The following DCDC1 variants were observed in gnomAD, a reference collection of about 807,000 sequenced individuals.
DCDC1 encodes the protein doublecortin domain containing 1, also known as doublecortin domain-containing protein 1.
DCDC1 carries 200 observed loss-of-function variants against 178.3 expected under a neutral mutation model. The ratio of observed to expected loss-of-function variants is 1.12; its 90% CI spans 1.00 to 1.26. DCDC1 has a LOEUF of 1.26. Among genes scored for constraint, DCDC1 ranks in the 50% most tolerant of loss-of-function variants. DCDC1 has a pLI of 0.00. For synonymous variants in DCDC1, 690 were observed against 604.8 expected, an observed-to-expected ratio of 1.14 and a Z score of -2.07; for missense variants, 1,983 against 1,749.2, an observed-to-expected ratio of 1.13 and a Z score of -2.38.
chr11:31,334,182 C>T (rs1950154861), intron 2 of DCDC1, among the ~76,000 whole-genome samples: 2 of 152,214 alleles, frequency 1.3e-5, no homozygotes, highest in Admixed American at 1.3e-4. Context: ...GCTACTGAAG[C>T]TCATGCATGC....
chr11:30,891,429 G>GT (rs1406348778), intron 36 of DCDC1, among the ~76,000 whole-genome samples: 2 of 152,096 alleles, frequency 1.3e-5, no homozygotes, highest in Non-Finnish European at 2.9e-5. Flanking sequence ...GTTATTGTAA[G>GT]TTTTTTCTAC....
At chr11:31,219,664 A>C (rs1974018946) in intron 9 of DCDC1, among the ~76,000 whole-genome samples, 1 of 152,166 alleles carries the variant, frequency 6.6e-6, no homozygotes, top group African/African-American at 2.4e-5. Context: ...AACTAAGGAC[A>C]AGGCACTGTG....
At chr11:31,021,438 A>G (rs1952874647) in intron 20 of DCDC1, among the ~76,000 whole-genome samples, 1 of 152,182 alleles carries the variant, frequency 6.6e-6, no homozygotes, top group Non-Finnish European at 1.5e-5. Flanking sequence ...ATACAGAAAA[A>G]TCTCAAATGT....
intron 15 of DCDC1, among the ~76,000 whole-genome samples, chr11:31,100,195 A>C (rs1958418092): frequency 6.6e-6 from 1 of 152,184 alleles, no homozygotes; most frequent in Admixed American, 6.6e-5. Context: ...AACAAATAAC[A>C]ATCTGGCTTG....
intron 30 of DCDC1, 22 bp downstream of exon 30, chr11:30,906,518 C>T: frequency 1.2e-6 from 2 of 1,601,302 alleles, no homozygotes; most frequent in Non-Finnish European, 1.7e-6. Flanking sequence ...CATGCATTAG[C>T]AGAGCTCAGA....
chr11:31,109,557 T>A (rs1340934057), intron 12 of DCDC1, among the ~76,000 whole-genome samples: 1 of 152,136 alleles, frequency 6.6e-6, no homozygotes, highest in Admixed American at 6.6e-5. Context: ...TTCGATTGGC[T>A]GTAAAAGCCA....
At chr11:31,111,424 A>C (rs1959173609) in intron 11 of DCDC1, among the ~76,000 whole-genome samples, 1 of 152,164 alleles carries the variant, frequency 6.6e-6, no homozygotes, top group African/African-American at 2.4e-5. Flanking sequence ...AAAAAGAAAA[A>C]TAAAAAGAGT....
At chr11:31,139,182 T>C (rs1301039098) in intron 9 of DCDC1, among the ~76,000 whole-genome samples, 2 of 152,140 alleles carry the variant, frequency 1.3e-5, no homozygotes, top group African/African-American at 4.8e-5. Context: ...TGTATATATA[T>C]GTATATGAGC....
chr11:31,051,996 C>T (rs538896373), intron 20 of DCDC1, among the ~76,000 whole-genome samples: 1 of 152,294 alleles, frequency 6.6e-6, no homozygotes, highest in South Asian at 2.1e-4. Context: ...TGGTACATCA[C>T]ATTTCAATAC....
At chr11:31,135,074 C>T (rs747764395) in intron 10 of DCDC1, among the ~76,000 whole-genome samples, 16 of 152,076 alleles carry the variant, frequency 1.1e-4, no homozygotes, top group Non-Finnish European at 1.6e-4. Flanking sequence ...ACGATGCATA[C>T]GTTACTGTTA....
intron 1 of DCDC1, among the ~76,000 whole-genome samples, chr11:31,353,466 A>G (rs1353874088): frequency 6.6e-6 from 1 of 152,220 alleles, no homozygotes; most frequent in African/African-American, 2.4e-5. Flanking sequence ...ATAATAAACC[A>G]CATGGAGACA....
At chr11:30,932,689 A>G (rs1947013452) in intron 21 of DCDC1, among the ~76,000 whole-genome samples, 2 of 152,166 alleles carry the variant, frequency 1.3e-5, no homozygotes, top group African/African-American at 4.8e-5. Context: ...TGATGGGACC[A>G]CATAGGGAGG....
intron 8 of DCDC1, among the ~76,000 whole-genome samples, chr11:31,247,393 G>A (rs867058540): frequency 2.6e-5 from 4 of 151,584 alleles, no homozygotes; most frequent in South Asian, 4.2e-4. Flanking sequence ...TTTGGTTCAC[G>A]GCTTGTGATT....
At chr11:31,225,491 A>C (rs1974812306) in intron 9 of DCDC1, among the ~76,000 whole-genome samples, 1 of 151,756 alleles carries the variant, frequency 6.6e-6, no homozygotes, top group Non-Finnish European at 1.5e-5. Context: ...TGTAACCAAA[A>C]GCTACCTTTT....
At position 31,292,448 on chromosome 11, in the gene DCDC1, G is replaced by A. The variant is rs142054217; in HGVS notation, c.755-1596C>T. ...TCATTCAGCCATAAAAAAGAATGAA[G>A]TACTGATACTTGCTAAAAAATGGAC... On this transcript the variant is annotated intron_variant, in intron 6 of 38. Transcript: ENST00000684477. Among the ~76,000 whole-genome samples the A allele has an allele frequency of 2.2e-3, 330 of 152,196 alleles. 2 individuals carry two copies. Among genetic ancestry groups the A allele is most frequent in the African/African-American group, 7.3e-3 (302 of 41,538 alleles).
chr11:31,359,608 C>G (rs1297100299), intron 1 of DCDC1, among the ~76,000 whole-genome samples: 2 of 152,116 alleles, frequency 1.3e-5, no homozygotes, highest in South Asian at 4.2e-4. Flanking sequence ...AAGAAAATGT[C>G]CCTGTAGCTT....
At chr11:31,048,593 C>T (rs553611181) in intron 20 of DCDC1, among the ~76,000 whole-genome samples, 1 of 152,222 alleles carries the variant, frequency 6.6e-6, no homozygotes, top group Admixed American at 6.5e-5. Flanking sequence ...GTGGCTCATG[C>T]CTGTAATCCC....
chr11:31,063,225 A>G (rs1217057267), intron 20 of DCDC1, among the ~76,000 whole-genome samples: 1 of 152,044 alleles, frequency 6.6e-6, no homozygotes, highest in Non-Finnish European at 1.5e-5. Flanking sequence ...GGATGTGGAG[A>G]AATAAGAACA....
intron 7 of DCDC1, among the ~76,000 whole-genome samples, chr11:31,278,947 G>T (rs183266153): frequency 1.8e-4 from 27 of 152,056 alleles, no homozygotes; most frequent in African/African-American, 6.5e-4. Context: ...GCATTTCCAC[G>T]TATATTTTAG....
Sources: gnomAD v4.1 joint callset for allele counts (sites outside exome capture counted in the v4.1 genomes callset) on GRCh38, gnomAD v4.1.1 for gene constraint, MANE v1.5 for transcripts, NCBI Gene and HGNC (gene_info 2026-07-23, HGNC 2026-07-21) for gene names.